Variants in CD46 observed in about 807,000 individuals in gnomAD.
The protein encoded by CD46 is CD46 molecule.
In CD46, 30 loss-of-function variants were observed where a neutral mutation model predicts 53.3. The ratio of observed to expected loss-of-function variants is 0.56; its 90% CI spans 0.42 to 0.76. The LOEUF (loss-of-function observed/expected upper bound fraction) is 0.76. CD46 is among the 30% of genes least tolerant of loss of function. The pLI, the probability that CD46 is intolerant of heterozygous loss-of-function variation, is 0.00. For synonymous variants in CD46, 142 were observed against 152.0 expected (o/e 0.93, Z 0.48); for missense variants, 409 against 463.0 (o/e 0.88, Z 1.07).
At chr1:207,783,911 G>GT (rs1208972512) in intron 9 of CD46, among the ~76,000 whole-genome samples, 3 of 152,144 alleles carry the variant, frequency 2.0e-5, no homozygotes, top group African/African-American at 7.2e-5. Context: ...GAAGAGCAGA[G>GT]TTGAACATAG....
At chr1:207,788,947 G>A (rs1299511801) in intron 11 of CD46, among the ~76,000 whole-genome samples, 1 of 152,140 alleles carries the variant, frequency 6.6e-6, no homozygotes, top group Non-Finnish European at 1.5e-5. Flanking sequence ...GGATACCAGT[G>A]GGTCCGAAAC....
intron 12 of CD46, 27 bp downstream of exon 12, chr1:207,790,372 A>G: frequency 8.5e-7 from 1 of 1,170,740 alleles, no homozygotes; most frequent in South Asian, 1.2e-5. Context: ...GTTTATTTTC[A>G]GATGTCCTTT....
intron 9 of CD46, among the ~76,000 whole-genome samples, chr1:207,784,008 T>G (rs1659039533): frequency 6.6e-6 from 1 of 152,214 alleles, no homozygotes; most frequent in Non-Finnish European, 1.5e-5. Flanking sequence ...GTTCTAAAAA[T>G]TAAGATTTTA....
intron 4 of CD46, 66 bp from the exon 5 acceptor site, chr1:207,761,183 A>G: frequency 2.0e-6 from 2 of 1,016,614 alleles, no homozygotes; most frequent in Middle Eastern, 5.9e-4. Flanking sequence ...TATTGAAGAC[A>G]CAGAAATTTT....
chr1:207,764,535 T>G (rs1351779996), intron 5 of CD46, among the ~76,000 whole-genome samples: 1 of 152,226 alleles, frequency 6.6e-6, no homozygotes, highest in Non-Finnish European at 1.5e-5. Context: ...CTTTATATTC[T>G]TTTGTGCATA....
chr1:207,772,718 G>A (rs1295824502), intron 8 of CD46, among the ~76,000 whole-genome samples: 1 of 152,190 alleles, frequency 6.6e-6, no homozygotes. Context: ...ATTTGTTAAT[G>A]TTGAACCAGC....
chr1:207,761,106 T>C (rs1656144666), intron 4 of CD46, 143 bp from the exon 5 acceptor site: 1 of 612,846 alleles, frequency 1.6e-6, no homozygotes. Flanking sequence ...TATTTGCTCA[T>C]AGAAACCTTC....
At chr1:207,781,125 A>G (rs934328790) in intron 8 of CD46, among the ~76,000 whole-genome samples, 6 of 150,334 alleles carry the variant, frequency 4.0e-5, no homozygotes, top group African/African-American at 7.4e-5. Flanking sequence ...CATTCAAACC[A>G]TAGACCGTCC....
intron 7 of CD46, chr1:207,770,070 A>G (rs899189141): frequency 2.8e-5 from 13 of 464,668 alleles, no homozygotes; most frequent in South Asian, 7.2e-5. Context: ...CCATCCTCAC[A>G]TTACTTTCAT....
chr1:207,757,517 C>G, intron 2 of CD46, 23 bp from the exon 3 acceptor site: 3 of 1,449,992 alleles, frequency 2.1e-6, no homozygotes, highest in Non-Finnish European at 2.9e-6. Context: ...GGATTGAAAA[C>G]TATCAAAATT....
intron 5 of CD46, among the ~76,000 whole-genome samples, chr1:207,764,245 G>A (rs1018924753): frequency 2.6e-5 from 4 of 152,206 alleles, no homozygotes; most frequent in African/African-American, 9.7e-5. Flanking sequence ...CGGTGCGCCA[G>A]TCACATGCGC....
At position 207,779,913 on chromosome 1, in the gene CD46, C is replaced by CTTTTTTTT. The variant is rs66758503; in HGVS notation, c.944-3367_944-3360dup. On this transcript the variant is annotated intron_variant, in intron 8 of 12. Coordinates refer to ENST00000367042, the MANE Select transcript of CD46 (RefSeq NM_172351.3). ...TTCTATTCTTGTAGCAAAAGCAAGT[C>CTTTTTTTT]TTTTTTTTTTTTTTTTTTTACTGTA... Among the ~76,000 whole-genome samples, 25 of 62,384 alleles carry CTTTTTTTT rather than the reference C, an allele frequency of 4.0e-4. 3 individuals are homozygous for CTTTTTTTT. Among genetic ancestry groups the CTTTTTTTT allele is most frequent in the South Asian group, 3.0e-3 (4 of 1,340 alleles). 40.9% of individuals were successfully genotyped at this position (62,384 alleles called of 152,430 possible). A position where few individuals can be genotyped will look rare whatever the true frequency, so the allele number is the denominator to read the frequency against.
chr1:207,783,293 A>G lies in CD46; in HGVS notation c.945A>G (p.Gly315=). 1 of 1,479,226 alleles carries G rather than the reference A, an allele frequency of 6.8e-7. No homozygotes were observed. Among genetic ancestry groups the G allele is most frequent in the Non-Finnish European group, 9.4e-7 (1 of 1,060,180 alleles). The allele number at this position is 1,479,226 out of a possible 1,614,324, so 91.6% of individuals were successfully genotyped here. A position where few individuals can be genotyped will look rare whatever the true frequency, so the allele number is the denominator to read the frequency against. ...TYKPPVSNYP[G]YPKPEEGILD... ...TCTATATTTCTTCTTTTTTCCTAGG[A>G]TATCCTAAACCTGAGGAAGGAATAC... is the stretch of plus-strand genomic sequence containing the variant. The change falls in exon 9 of 13, where the codon GGA becomes GGG. Residue 315 remains glycine, a splice_region_variant and synonymous_variant. Transcript: ENST00000367042.
At position 207,752,077 on chromosome 1, in the gene CD46, T is replaced by C. The variant is rs1004572729; in HGVS notation, c.-136T>C. 27 of 912,054 alleles carry C rather than the reference T, an allele frequency of 3.0e-5. No homozygotes were observed. In the African/African-American group the frequency reaches 4.0e-4, roughly 14 times the overall value. 56.5% of individuals were successfully genotyped at this position (912,054 alleles called of 1,614,324 possible). A position where few individuals can be genotyped will look rare whatever the true frequency, so the allele number is the denominator to read the frequency against. On this transcript the variant is annotated 5_prime_UTR_variant, in exon 1 of 13. Transcript: ENST00000367042. The surrounding 1 kb of genome is among the most constrained non-coding windows in gnomAD (Gnocchi z 4.1). ...GCGCGGCTCGGGCCACGCCCACCTGTCCTGCAGCACTGGATGCTTTGTGAG... is the reference window on the plus strand; with the variant it reads ...GCGCGGCTCGGGCCACGCCCACCTGCCCTGCAGCACTGGATGCTTTGTGAG...
In CD46 at chr1:207,752,347, ACTAGAGCT is replaced by A; in HGVS notation, c.97+41_97+48del. On this transcript the variant is annotated intron_variant, in intron 1 of 12. Transcript: ENST00000367042. This position sits in a 1 kb window ranked among gnomAD's most constrained non-coding sequence, Gnocchi z 4.1. ...GGCGGGTTCGCGCGTCCGCGGCGAG[ACTAGAGCT>A]CTCCTCAGTCGGGCAAGAGTCGCGG... is the stretch of plus-strand genomic sequence containing the variant. The A allele has an allele frequency of 1.3e-6, 2 of 1,577,238 alleles. No homozygotes were observed. The highest frequency in any genetic ancestry group is 1.7e-6 in the Non-Finnish European group (2 of 1,147,146).
chr1:207,789,414 A>T (rs898887764), intron 11 of CD46, among the ~76,000 whole-genome samples: 3 of 152,238 alleles, frequency 2.0e-5, no homozygotes, highest in African/African-American at 7.2e-5. Context: ...GGGCAAAAAA[A>T]GGATCAAATT....
chr1:207,753,516 C>G (rs1194490869), intron 1 of CD46, among the ~76,000 whole-genome samples: 1 of 152,096 alleles, frequency 6.6e-6, no homozygotes, highest in Non-Finnish European at 1.5e-5. Context: ...CAAAAAAATA[C>G]AAAAATTAGC....
intron 1 of CD46, among the ~76,000 whole-genome samples, chr1:207,755,461 C>A (rs767591869): frequency 1.3e-4 from 20 of 152,212 alleles, no homozygotes; most frequent in Non-Finnish European, 2.8e-4. Context: ...CAGTGCTGTG[C>A]ATGGGAGACC....
At chr1:207,755,657 G>A (rs1460978537) in intron 1 of CD46, among the ~76,000 whole-genome samples, 1 of 152,162 alleles carries the variant, frequency 6.6e-6, no homozygotes, top group Non-Finnish European at 1.5e-5. Context: ...AAGAAGCCAA[G>A]ATCAGTAAGC....
Sources: gnomAD v4.1 joint callset for allele counts (sites outside exome capture counted in the v4.1 genomes callset) on GRCh38, gnomAD v4.1.1 for gene constraint, Gnocchi (gnomAD v3.1) non-coding constraint, MANE v1.5 for transcripts, NCBI Gene and HGNC (gene_info 2026-07-23, HGNC 2026-07-21) for gene names.